TTN: variants seen among roughly 807,000 people sequenced by gnomAD.
The protein encoded by TTN is titin, also known as connectin.
TTN carries 1,525 observed loss-of-function variants against 3,223.0 expected under a neutral mutation model. The observed-to-expected ratio is 0.47, with a 90% confidence interval of 0.45 to 0.49. The LOEUF (loss-of-function observed/expected upper bound fraction) is 0.49, where lower values mean the gene tolerates loss of function less well. Among genes scored for constraint, TTN ranks in the 20% least tolerant of loss-of-function variants. TTN has a pLI of 0.00. For missense variants in TTN, 40,786 were observed against 43,424.0 expected (o/e 0.94, Z 5.40); for synonymous variants, 14,094 against 15,161.0 (o/e 0.93, Z 5.17).
At position 178,725,967 on chromosome 2, in the gene TTN, C is replaced by G. The variant is rs549470227; in HGVS notation, c.20355G>C (p.Ser6785=). 1 of 1,611,124 alleles carries G rather than the reference C, an allele frequency of 6.2e-7. No homozygotes were observed. Among genetic ancestry groups the G allele is most frequent in the Non-Finnish European group, 8.5e-7 (1 of 1,178,434 alleles). ...ATACCACCTCAAACGGTGGTGTTCC[C>G]GAAAGTTCACATTCAAGACTGACTT... ...NAEVSLECEL[S]GTPPFEVVWY... Residue 6785 remains serine, a synonymous_variant, in exon 70 of 363, where the codon TCG becomes TCC. Transcript: ENST00000589042.
chr2:178,550,246 T>G lies in TTN; in HGVS notation c.91592A>C (p.Glu30531Ala). The change falls in exon 337 of 363, where the codon GAA becomes GCA. Residue 30531 changes from glutamate (E) to alanine (A), a missense_variant. Physicochemically the swap from Glu to Ala is moderately radical, Grantham distance 107. Coordinates refer to ENST00000589042, the MANE Select transcript of TTN (RefSeq NM_001267550.2). ...CTTAATAATGAGACCATCAAAGTAT[T>G]CAGGGCCAAACTCTACTATTGGTGG... ...NVPPIVEFGP[E>A]YFDGLIIKSG... The G allele has an allele frequency of 2.5e-6, 4 of 1,612,936 alleles. No individual in the cohort carries two copies. The highest frequency in any genetic ancestry group is 3.4e-6 in the Non-Finnish European group (4 of 1,179,284).
chr2:178,620,927 T>A lies in TTN; in HGVS notation c.45683A>T (p.Asn15228Ile). Residue 15228 changes from asparagine (N) to isoleucine (I), a missense_variant, in exon 247 of 363, where the codon AAC becomes ATC. Coordinates refer to ENST00000589042, the MANE Select transcript of TTN (RefSeq NM_001267550.2). ...RVKEQQEVVFNCEVNTEGAKA... is the reference protein window; with the variant it reads ...RVKEQQEVVFICEVNTEGAKA... ...GGCACCTTCAGTATTGACTTCACAG[T>A]TGAAGACAACTTCCTGTTGTTCCTT... 1 of 1,612,474 alleles carries A rather than the reference T, an allele frequency of 6.2e-7. No individual in the cohort carries two copies. Among genetic ancestry groups the A allele is most frequent in the Non-Finnish European group, 8.5e-7 (1 of 1,179,136 alleles).
In TTN at chr2:178,591,760, CCTT is replaced by C. The variant is rs886055257; in HGVS notation, c.60056_60058del (p.Glu20019del). Reference sequence around the variant, plus strand: ...CTTAAATTTAATCCAGTCCTGGGTGCCTTCTTCTTGATATTCTACCAAATATCC... The same window carrying C: ...CTTAAATTTAATCCAGTCCTGGGTGCCTTCTTGATATTCTACCAAATATCC... On this transcript the variant is annotated inframe_deletion, in exon 303 of 363. Coordinates refer to ENST00000589042, the MANE Select transcript of TTN (RefSeq NM_001267550.2). 3.1e-6 allele frequency: 5 copies of C among 1,613,258 alleles called. No individual in the cohort carries two copies. The highest frequency in any genetic ancestry group is 4.2e-6 in the Non-Finnish European group (5 of 1,179,552).
intron 47 of TTN, chr2:178,750,592 T>G: frequency 6.2e-7 from 1 of 1,612,500 alleles, no homozygotes; most frequent in East Asian, 2.2e-5. Context: ...GTGGGCGTTT[T>G]CGAAAAGAAT....
Position 178,757,207 on chromosome 2 carries a change from T to G in TTN, c.10678+335A>C, listed in dbSNP as rs2087452347. On this transcript the variant is annotated intron_variant, in intron 45 of 362. Coordinates refer to ENST00000589042, the MANE Select transcript of TTN (RefSeq NM_001267550.2). ...TAAGTACAGTAAGTAATACTGTACT[T>G]ACTTTAAGTACAGTAAGTAATAATC... Among the ~76,000 whole-genome samples the G allele has an allele frequency of 2.0e-5, 3 of 151,946 alleles. 1 individual carries two copies. The highest frequency in any genetic ancestry group is 4.4e-5 in the Non-Finnish European group (3 of 67,996).
chr2:178,613,715 G>A (rs764557894), intron 263 of TTN, 36 bp downstream of exon 263: 2 of 1,593,094 alleles, frequency 1.3e-6, no homozygotes, highest in East Asian at 4.5e-5. Flanking sequence ...TGAATATACT[G>A]CTGTCTTAAC....
intron 47 of TTN, chr2:178,745,255 GA>G (rs2083273560): frequency 2.6e-6 from 3 of 1,147,258 alleles, no homozygotes; most frequent in Non-Finnish European, 3.2e-6. Flanking sequence ...TCTGCTAAAA[GA>G]GAGTCCATTC....
Position 178,558,149 on chromosome 2 carries a change from A to G in TTN, c.87205T>C (p.Ser29069Pro). ...GSNLKVDIPI[S>P]GKPLPKVTLS... ...GTCACTTTGGGAAGTGGTTTTCCAG[A>G]GATTGGAATGTCAACTTTAAGGTTT... is the stretch of plus-strand genomic sequence containing the variant. The change falls in exon 328 of 363, where the codon TCT (serine) becomes CCT (proline). Residue 29069 changes from serine to proline, a missense_variant. Ser to Pro is a moderately conservative substitution (Grantham distance 74, BLOSUM62 -1). Coordinates refer to ENST00000589042, the MANE Select transcript of TTN (RefSeq NM_001267550.2). 1 of 1,613,860 alleles carries G rather than the reference A, an allele frequency of 6.2e-7. No homozygotes were observed. The highest frequency in any genetic ancestry group is 8.5e-7 in the Non-Finnish European group (1 of 1,179,850).
At chr2:178,550,329 A>C in intron 336 of TTN, 56 bp from the exon 337 acceptor site, 1 of 1,435,030 alleles carries the variant, frequency 7.0e-7, no homozygotes, top group Non-Finnish European at 9.4e-7. Flanking sequence ...GACATACATA[A>C]ATATATATTT....
intron 34 of TTN, 56 bp from the exon 35 acceptor site, chr2:178,770,731 G>T: frequency 1.1e-5 from 17 of 1,585,156 alleles, no homozygotes; most frequent in Non-Finnish European, 1.4e-5. Flanking sequence ...TCAAGGAAAA[G>T]AAGTCCTGAA....
intron 20 of TTN, 87 bp from the exon 21 acceptor site, chr2:178,781,350 G>A: frequency 2.0e-6 from 3 of 1,477,288 alleles, no homozygotes; most frequent in Non-Finnish European, 2.8e-6. Context: ...GAGTGGATCT[G>A]TGGTATAAAA....
rs987021971 is a variant in TTN, at chr2:178,737,140, G to T, written c.14371+942C>A. ...GGGAGGGAAGGAGGGAAGGAAGGAA[G>T]GAAGGAAAGAAGGTAGGAAGAAAGG... is the stretch of plus-strand genomic sequence containing the variant. On this transcript the variant is annotated intron_variant, in intron 49 of 362. Transcript: ENST00000589042. Among the ~76,000 whole-genome samples, 11 of 151,950 alleles carry T rather than the reference G, an allele frequency of 7.2e-5. No homozygotes were observed. In the South Asian group the frequency reaches 1.5e-3, roughly 20 times the overall value.
In TTN at chr2:178,773,928, T is replaced by C; in HGVS notation, c.7240A>G (p.Ile2414Val). 3.7e-6 allele frequency: 6 copies of C among 1,614,130 alleles called. No individual in the cohort carries two copies. The highest frequency in any genetic ancestry group is 5.1e-6 in the Non-Finnish European group (6 of 1,179,982). The change falls in exon 31 of 363, where the codon ATT (isoleucine) becomes GTT (valine). Residue 2414 changes from isoleucine (I) to valine (V), a missense_variant. Ile to Val is a conservative substitution (Grantham distance 29). Coordinates refer to ENST00000589042, the MANE Select transcript of TTN (RefSeq NM_001267550.2). ...VIDKQSHMLL[I>V]EDMTKEDAGN... ...GCATCTTCCTTAGTCATGTCTTCAA[T>C]GAGCAGCATATGAGATTGTTTGTCT...
At position 178,776,186 on chromosome 2, in the gene TTN, C is replaced by T; in HGVS notation, c.5678G>A (p.Gly1893Asp). The T allele has an allele frequency of 1.9e-6, 3 of 1,614,130 alleles. No individual in the cohort carries two copies. The highest frequency in any genetic ancestry group is 2.5e-6 in the Non-Finnish European group (3 of 1,179,980). The change falls in exon 28 of 363, where the codon GGT becomes GAT. Residue 1893 changes from glycine to aspartate, a missense_variant. Transcript: ENST00000589042. ...KSKRFRVRYD[G>D]IHYLDIVDCK... The stretch of plus-strand genomic sequence containing the variant: ...GTCCACGATGTCCAGGTAATGGATA[C>T]CATCATAGCGAACTCTGAACCTTTT...
chr2:178,602,600 A>C lies in TTN; in HGVS notation c.54812-10T>G, dbSNP rs1395409113. 2.7e-6 allele frequency: 4 copies of C among 1,472,094 alleles called. No individual in the cohort carries two copies. In the East Asian group the frequency reaches 7.4e-5, roughly 27 times the overall value. 91.2% of individuals were successfully genotyped at this position (1,472,094 alleles called of 1,614,324 possible). A position where few individuals can be genotyped will look rare whatever the true frequency, so the allele number is the denominator to read the frequency against. On this transcript the variant is annotated splice_polypyrimidine_tract_variant and intron_variant, in intron 282 of 362. Transcript: ENST00000589042. Reference sequence around the variant, plus strand: ...GGTGGCCCCGGTGGAACTAATAACAAAAGAAAAAAAAAAGCTTCATCAGAT... The same window carrying C: ...GGTGGCCCCGGTGGAACTAATAACACAAGAAAAAAAAAAGCTTCATCAGAT...
At position 178,707,686 on chromosome 2, in the gene TTN, G is replaced by A; in HGVS notation, c.28881C>T (p.Gly9627=). The A allele has an allele frequency of 2.5e-6, 4 of 1,613,924 alleles. No individual in the cohort carries two copies. The highest frequency in any genetic ancestry group is 3.4e-6 in the Non-Finnish European group (4 of 1,179,852). ...ATCTGTCTGAAGGCTTTATTTCCCT[G>A]CCAGCCTTCAACCACTGGATCCTAA... ...EPIRIQWLKA[G]REIKPSDRCS... is the part of the protein sequence containing the mutation. Residue 9627 remains glycine (G), a synonymous_variant, in exon 100 of 363, where the codon GGC becomes GGT. Transcript: ENST00000589042.
chr2:178,775,094 T>C lies in TTN; in HGVS notation c.6617A>G (p.Lys2206Arg). The C allele has an allele frequency of 6.2e-7, 1 of 1,614,076 alleles. No homozygotes were observed. The highest frequency in any genetic ancestry group is 8.5e-7 in the Non-Finnish European group (1 of 1,179,980). ...AACCTCCATACCATCTTTATACCAT[T>C]TCACTTTGACAAATGGTTCTGAAGT... ...CETSEPFVKVKWYKDGMEVHE... is the reference protein window; with the variant it reads ...CETSEPFVKVRWYKDGMEVHE... The change falls in exon 29 of 363, where the codon AAA becomes AGA. Residue 2206 changes from lysine to arginine, a missense_variant. Physicochemically the swap from Lys to Arg is conservative, Grantham distance 26. Transcript: ENST00000589042.
chr2:178,557,173 G>A (rs1378332532), intron 329 of TTN, 29 bp from the exon 330 acceptor site: 4 of 1,612,372 alleles, frequency 2.5e-6, no homozygotes, highest in Admixed American at 3.3e-5. Flanking sequence ...CAGATTAGCG[G>A]CACTTATAAT....
Position 178,785,930 on chromosome 2 carries a change from G to A in TTN, c.2288C>T (p.Ala763Val), listed in dbSNP as rs776318182. The A allele has an allele frequency of 1.9e-6, 3 of 1,613,988 alleles. No homozygotes were observed. Among genetic ancestry groups the A allele is most frequent in the South Asian group, 1.1e-5 (1 of 90,960 alleles). Reference protein sequence around the residue: ...PASEPHVVPKAVKPRVIQAPS... With the variant: ...PASEPHVVPKVVKPRVIQAPS... ...AGCCTGGATTACTCTAGGCTTGACTGCTTTAGGGACAACGTGGGGTTCTGA... is the reference window on the plus strand; with the variant it reads ...AGCCTGGATTACTCTAGGCTTGACTACTTTAGGGACAACGTGGGGTTCTGA... Residue 763 changes from alanine to valine, a missense_variant, in exon 14 of 363, where the codon GCA becomes GTA. Ala to Val is a moderately conservative substitution (Grantham distance 64). Transcript: ENST00000589042.
Sources: allele counts gnomAD v4.1 joint callset (sites outside exome capture counted in the v4.1 genomes callset), GRCh38; gene constraint gnomAD v4.1.1; transcripts MANE v1.5; gene names NCBI Gene and HGNC (gene_info 2026-07-23, HGNC 2026-07-21).